SLIT3: variants seen among roughly 807,000 people sequenced by gnomAD.
The protein encoded by SLIT3 is slit guidance ligand 3.
In SLIT3, 68 loss-of-function variants were observed where a neutral mutation model predicts 184.0. The observed-to-expected ratio is 0.37, with a 90% CI of 0.30 to 0.45. SLIT3 has a LOEUF of 0.45. Ranked by LOEUF, SLIT3 falls within the 20% of genes least tolerant of loss-of-function variation. The pLI is 1.00. For missense variants in SLIT3, 1,707 were observed against 2,026.0 expected (o/e 0.84, Z 3.02); for synonymous variants, 831 against 828.6 (o/e 1.00, Z -0.05).
At chr5:169,181,387 G>A (rs12163928) in intron 4 of SLIT3, among the ~76,000 whole-genome samples, 48,365 of 151,910 alleles carry the variant, frequency 0.32, 7,935 homozygotes, top group Middle Eastern at 0.44. Context: ...AGCAATATCA[G>A]TAAAACTGAT....
chr5:169,064,027 T>A (rs1758266099), intron 4 of SLIT3, among the ~76,000 whole-genome samples: 1 of 152,228 alleles, frequency 6.6e-6, no homozygotes, highest in African/African-American at 2.4e-5. Context: ...TAATATGATG[T>A]AATTAGCAGG....
At chr5:169,222,953 A>T (rs1035135824) in intron 3 of SLIT3, among the ~76,000 whole-genome samples, 9 of 152,198 alleles carry the variant, frequency 5.9e-5, no homozygotes, top group African/African-American at 2.2e-4. Context: ...CCAAAACCGA[A>T]TGGGAAGGTC....
At chr5:168,872,292 A>G (rs1399839727) in intron 5 of SLIT3, among the ~76,000 whole-genome samples, 1 of 152,204 alleles carries the variant, frequency 6.6e-6, no homozygotes, top group Non-Finnish European at 1.5e-5. Context: ...TAGGGCACTG[A>G]CACTATTCTG....
chr5:169,035,505 C>G (rs1719283125), intron 4 of SLIT3, among the ~76,000 whole-genome samples: 1 of 151,880 alleles, frequency 6.6e-6, no homozygotes, highest in Middle Eastern at 3.2e-3. Context: ...AAAAATTAGC[C>G]AGGCGTGGTG....
At chr5:168,769,662 A>G (rs944371791) in intron 14 of SLIT3, among the ~76,000 whole-genome samples, 1 of 152,198 alleles carries the variant, frequency 6.6e-6, no homozygotes. Flanking sequence ...GAGTTTGATT[A>G]GGACCCTGGT....
At chr5:168,927,226 TAGAACCTTG>T (rs760362840) in intron 4 of SLIT3, among the ~76,000 whole-genome samples, 1 of 152,282 alleles carries the variant, frequency 6.6e-6, no homozygotes, top group African/African-American at 2.4e-5. Context: ...AAAACATGGG[TAGAACCTTG>T]AGAACGTTAT....
chr5:168,808,901 A>G (rs1757075828), intron 8 of SLIT3, among the ~76,000 whole-genome samples: 1 of 152,108 alleles, frequency 6.6e-6, no homozygotes, highest in Admixed American at 6.5e-5. Context: ...TCCACATCAA[A>G]AGGAGAGCAC....
chr5:168,670,366 T>C (rs1761198638), intron 34 of SLIT3, among the ~76,000 whole-genome samples: 1 of 152,236 alleles, frequency 6.6e-6, no homozygotes, highest in Non-Finnish European at 1.5e-5. Flanking sequence ...TACCAGCAGG[T>C]ACCACTGGCT....
At chr5:169,117,575 C>G (rs530044657) in intron 4 of SLIT3, among the ~76,000 whole-genome samples, 3 of 152,236 alleles carry the variant, frequency 2.0e-5, no homozygotes, top group African/African-American at 7.2e-5. Context: ...GCTGCCAATC[C>G]CAGCTCTACC....
At chr5:169,021,008 G>C (rs1411536694) in intron 4 of SLIT3, among the ~76,000 whole-genome samples, 2 of 152,308 alleles carry the variant, frequency 1.3e-5, no homozygotes, top group African/African-American at 4.8e-5. Flanking sequence ...AGGGAGGAAA[G>C]TGTTCTGAAT....
chr5:169,092,622 A>C (rs1759633870), intron 4 of SLIT3, among the ~76,000 whole-genome samples: 2 of 152,156 alleles, frequency 1.3e-5, no homozygotes, highest in Admixed American at 1.3e-4. Context: ...TTTGATGAAA[A>C]AGCAGTGTCT....
chr5:169,078,694 C>G (rs1758844476), intron 4 of SLIT3, among the ~76,000 whole-genome samples: 1 of 152,144 alleles, frequency 6.6e-6, no homozygotes, highest in African/African-American at 2.4e-5. Context: ...GTGCTAGGAG[C>G]TTTTGCACAC....
intron 4 of SLIT3, among the ~76,000 whole-genome samples, chr5:169,038,413 TTCAA>T (rs909345055): frequency 2.4e-4 from 36 of 152,312 alleles, no homozygotes; most frequent in Middle Eastern, 3.4e-3. Flanking sequence ...TGCACATACG[TTCAA>T]TCAAATTATA....
rs773209222 is a variant in SLIT3 at position 168,772,864 on chromosome 5, G to C, written c.1376C>G (p.Thr459Arg). Residue 459 changes from threonine (T) to arginine (R), a missense_variant, in exon 14 of 36, where the codon ACA (threonine) becomes AGA (arginine). Physicochemically the swap from Thr to Arg is moderately conservative, Grantham distance 71. Around this residue, in one of 3 missense-constraint regions of SLIT3, gnomAD observed 1,307 missense variants for 1,511.6 expected, o/e 0.86. Transcript: ENST00000519560. ...CGGGCTGCTGCAGCGGGCCCCGCTT[G>C]TCTCGATGGGGTTGTCCTGGAGGTA... is the stretch of plus-strand genomic sequence containing the variant. ...ADYLQDNPIE[T>R]SGARCSSPRR... 36 of 1,613,992 alleles carry C rather than the reference G, an allele frequency of 2.2e-5. No homozygotes were observed. The highest frequency in any genetic ancestry group is 2.9e-5 in the Non-Finnish European group (34 of 1,180,042).
chr5:169,221,097 T>C (rs1261461129), intron 3 of SLIT3, among the ~76,000 whole-genome samples: 1 of 152,232 alleles, frequency 6.6e-6, no homozygotes, highest in Non-Finnish European at 1.5e-5. Flanking sequence ...CTGCAGTCAT[T>C]GTGAGGGCTC....
At chr5:169,209,851 G>A (rs907774925) in intron 3 of SLIT3, among the ~76,000 whole-genome samples, 15 of 152,030 alleles carry the variant, frequency 9.9e-5, no homozygotes, top group African/African-American at 3.4e-4. Context: ...TGTAGAAGAT[G>A]GTTTGACGGG....
intron 4 of SLIT3, among the ~76,000 whole-genome samples, chr5:168,904,309 C>T (rs1213171943): frequency 6.6e-6 from 1 of 152,078 alleles, no homozygotes; most frequent in African/African-American, 2.4e-5. Context: ...TGGTAGAAGA[C>T]TGGTGAGAAG....
chr5:168,819,497 T>A (rs1304387561), intron 7 of SLIT3, among the ~76,000 whole-genome samples: 1 of 152,168 alleles, frequency 6.6e-6, no homozygotes, highest in South Asian at 2.1e-4. Context: ...TGGCTTTTAT[T>A]TGGAAAGGTG....
At chr5:169,006,066 C>T (rs1413383965) in intron 4 of SLIT3, among the ~76,000 whole-genome samples, 1 of 152,158 alleles carries the variant, frequency 6.6e-6, no homozygotes, top group Non-Finnish European at 1.5e-5. Flanking sequence ...CCAGTTCCAG[C>T]CTTGCAAGGC....
Sources: gnomAD v4.1 joint callset for allele counts (sites outside exome capture counted in the v4.1 genomes callset) on GRCh38, gnomAD v4.1.1 for gene constraint, gnomAD v4.1.1 regional missense constraint, MANE v1.5 for transcripts, NCBI Gene and HGNC (gene_info 2026-07-23, HGNC 2026-07-21) for gene names.